Variants in ZNF804A observed in about 807,000 individuals in gnomAD.
ZNF804A encodes zinc finger protein 804A.
In ZNF804A, 2 loss-of-function variants were observed where a neutral mutation model predicts 16.5. That is an observed-to-expected ratio of 0.12 (90% confidence interval 0.05 to 0.38). The LOEUF (loss-of-function observed/expected upper bound fraction) is 0.38. Ranked by LOEUF, ZNF804A falls within the 10% of genes least tolerant of loss-of-function variation. The probability of loss-of-function intolerance (pLI) is 0.99; values close to 1 mark genes in which losing one functional copy is unlikely to be tolerated. For missense variants in ZNF804A, 1,473 were observed against 1,390.7 expected, an observed-to-expected ratio of 1.06 and a Z score of -0.94; for synonymous variants, 534 against 489.6, an observed-to-expected ratio of 1.09 and a Z score of -1.20.
At chr2:184,892,143 G>C (rs1236136697) in intron 2 of ZNF804A, among the ~76,000 whole-genome samples, 1 of 152,082 alleles carries the variant, frequency 6.6e-6, no homozygotes, top group Non-Finnish European at 1.5e-5. Context: ...GAAAACCAAA[G>C]CAACATTTCC....
intron 2 of ZNF804A, among the ~76,000 whole-genome samples, chr2:184,887,202 C>T (rs1684906922): frequency 6.6e-6 from 1 of 152,194 alleles, no homozygotes; most frequent in Non-Finnish European, 1.5e-5. Flanking sequence ...AAAATGCCAC[C>T]AGTCTGTTTG....
chr2:184,777,590 A>T (rs576026418), intron 1 of ZNF804A, among the ~76,000 whole-genome samples: 3 of 151,744 alleles, frequency 2.0e-5, no homozygotes, highest in African/African-American at 4.8e-5. Context: ...CTAAAGGAAG[A>T]TAAGCCCTAG....
chr2:184,700,796 A>G (rs1359450528), intron 1 of ZNF804A, among the ~76,000 whole-genome samples: 1 of 152,066 alleles, frequency 6.6e-6, no homozygotes, highest in African/African-American at 2.4e-5. Flanking sequence ...TGTAAAATTT[A>G]TAAACAGTAA....
chr2:184,755,841 T>C lies in ZNF804A; in HGVS notation c.112-110528T>C, dbSNP rs1321672387. On this transcript the variant is annotated intron_variant, in intron 1 of 3. Coordinates refer to ENST00000302277, the MANE Select transcript of ZNF804A (RefSeq NM_194250.2). ...TTTGTTCTAGAATAACCTCAAATGC[T>C]GTAACAACTAGACATTTTTCTGAAT... is the stretch of plus-strand genomic sequence containing the variant. Among the ~76,000 whole-genome samples the C allele has an allele frequency of 2.0e-5, 3 of 152,146 alleles. No homozygotes were observed. In the East Asian group the frequency reaches 5.8e-4, roughly 30 times the overall value.
At position 184,937,490 on chromosome 2, in the gene ZNF804A, A is replaced by T; in HGVS notation, c.2094A>T (p.Ile698=). Residue 698 remains isoleucine, a synonymous_variant, in exon 4 of 4, where the codon ATA becomes ATT. Transcript: ENST00000302277. ...SSKNHCKKNT[I]LLNGQSNATM... ...AAAACCACTGTAAAAAGAACACAAT[A>T]CTTTTAAATGGACAATCAAATGCAA... The T allele has an allele frequency of 1.2e-6, 2 of 1,612,210 alleles. No individual in the cohort carries two copies. Among genetic ancestry groups the T allele is most frequent in the Non-Finnish European group, 1.7e-6 (2 of 1,179,034 alleles).
At position 184,854,460 on chromosome 2, in the gene ZNF804A, G is replaced by T. The variant is rs569798130; in HGVS notation, c.112-11909G>T. On this transcript the variant is annotated intron_variant, in intron 1 of 3. Coordinates refer to ENST00000302277, the MANE Select transcript of ZNF804A (RefSeq NM_194250.2). ...TGATGCCTCATACAGGGTAAAGTTC[G>T]ATGTGCATTACCCACTGTATTTTTG... Among the ~76,000 whole-genome samples, 3 of 151,948 alleles carry T rather than the reference G, an allele frequency of 2.0e-5. No individual in the cohort carries two copies. The South Asian group carries it at 6.2e-4, about 31-fold the overall frequency.
intron 2 of ZNF804A, among the ~76,000 whole-genome samples, chr2:184,931,533 C>T (rs1262316820): frequency 6.6e-6 from 1 of 152,268 alleles, no homozygotes; most frequent in East Asian, 1.9e-4. Context: ...GGCTAGGATG[C>T]AGGGCAGTAA....
chr2:184,819,226 A>G (rs1695033597), intron 1 of ZNF804A, among the ~76,000 whole-genome samples: 1 of 152,094 alleles, frequency 6.6e-6, no homozygotes, highest in Non-Finnish European at 1.5e-5. Context: ...AGTCTGTCAG[A>G]TGACAGCACA....
At chr2:184,786,290 G>T (rs1269738268) in intron 1 of ZNF804A, among the ~76,000 whole-genome samples, 1 of 147,206 alleles carries the variant, frequency 6.8e-6, no homozygotes, top group Non-Finnish European at 1.5e-5. Context: ...TCAGGTTCTT[G>T]TGTTCTTCTG....
intron 2 of ZNF804A, among the ~76,000 whole-genome samples, chr2:184,913,258 A>C (rs1043417147): frequency 1.3e-5 from 2 of 152,122 alleles, no homozygotes; most frequent in African/African-American, 4.8e-5. Flanking sequence ...ATTGGCATAG[A>C]TTTATAATTA....
chr2:184,623,400 A>C lies in ZNF804A; in HGVS notation c.111+24330A>C, dbSNP rs1237385915. Among the ~76,000 whole-genome samples, 3 of 152,146 alleles carry C rather than the reference A, an allele frequency of 2.0e-5. No homozygotes were observed. The East Asian group carries it at 5.8e-4, about 29-fold the overall frequency. On this transcript the variant is annotated intron_variant, in intron 1 of 3. Coordinates refer to ENST00000302277, the MANE Select transcript of ZNF804A (RefSeq NM_194250.2). Reference sequence around the variant, plus strand: ...TCTTTTCATATTTAGAATGATAATTAATAGGATTTGTAAAATATCCAGAAA... The same window carrying C: ...TCTTTTCATATTTAGAATGATAATTCATAGGATTTGTAAAATATCCAGAAA...
At chr2:184,897,147 C>T (rs1017432381) in intron 2 of ZNF804A, among the ~76,000 whole-genome samples, 2 of 151,988 alleles carry the variant, frequency 1.3e-5, no homozygotes, top group African/African-American at 4.8e-5. Flanking sequence ...CTGGGATTTG[C>T]TTAATGATTC....
At chr2:184,924,562 TC>T (rs2105838374) in intron 2 of ZNF804A, among the ~76,000 whole-genome samples, 1 of 151,814 alleles carries the variant, frequency 6.6e-6, no homozygotes, top group African/African-American at 2.4e-5. Context: ...TTCATTTATT[TC>T]CACTCTAATC....
intron 1 of ZNF804A, among the ~76,000 whole-genome samples, chr2:184,786,994 C>T (rs762237444): frequency 9.9e-5 from 15 of 151,364 alleles, no homozygotes; most frequent in Non-Finnish European, 1.3e-4. Context: ...TCATGAGGTA[C>T]TTGTGCTTGT....
intron 1 of ZNF804A, among the ~76,000 whole-genome samples, chr2:184,797,447 C>T (rs1300305222): frequency 6.6e-6 from 1 of 151,980 alleles, no homozygotes; most frequent in African/African-American, 2.4e-5. Context: ...AGAATAGCTA[C>T]CCCTGCTTGC....
chr2:184,849,704 T>G (rs1335628143), intron 1 of ZNF804A, among the ~76,000 whole-genome samples: 1 of 151,888 alleles, frequency 6.6e-6, no homozygotes, highest in East Asian at 1.9e-4. Context: ...AAAATAGAAC[T>G]ACCATATGAT....
At chr2:184,781,676 C>G (rs1358312044) in intron 1 of ZNF804A, among the ~76,000 whole-genome samples, 2 of 151,842 alleles carry the variant, frequency 1.3e-5, no homozygotes, top group Non-Finnish European at 2.9e-5. Context: ...CTAAGCTCAT[C>G]TGTGACTAAA....
At chr2:184,845,735 A>G (rs1695501662) in intron 1 of ZNF804A, among the ~76,000 whole-genome samples, 1 of 152,102 alleles carries the variant, frequency 6.6e-6, no homozygotes, top group Non-Finnish European at 1.5e-5. Context: ...TCATCATGAG[A>G]ATGTGGTAGG....
intron 1 of ZNF804A, among the ~76,000 whole-genome samples, chr2:184,672,239 C>T (rs996822612): frequency 5.9e-5 from 9 of 152,154 alleles, no homozygotes; most frequent in African/African-American, 1.9e-4. Flanking sequence ...ATGTTTTATG[C>T]TCTATGGTCC....
Sources: gnomAD v4.1 joint callset for allele counts (sites outside exome capture counted in the v4.1 genomes callset) on GRCh38, gnomAD v4.1.1 for gene constraint, MANE v1.5 for transcripts, NCBI Gene and HGNC (gene_info 2026-07-23, HGNC 2026-07-21) for gene names.